NRG3: variants seen among roughly 807,000 people sequenced by gnomAD.
NRG3 encodes the protein pro-neuregulin-3, membrane-bound isoform.
Under a neutral mutation model 66.9 loss-of-function variants are expected in NRG3, and 31 were observed. That is an observed-to-expected ratio of 0.46 (90% CI 0.35 to 0.63). NRG3 has a LOEUF of 0.63. NRG3 is among the 20% of genes least tolerant of loss of function. The pLI is 0.00. For missense variants in NRG3, 910 were observed against 878.9 expected (o/e 1.04, Z -0.45); for synonymous variants, 393 against 359.4 (o/e 1.09, Z -1.06).
intron 1 of NRG3, among the ~76,000 whole-genome samples, chr10:82,114,682 T>C (rs2067593337): frequency 1.3e-5 from 2 of 152,178 alleles, no homozygotes; most frequent in Non-Finnish European, 2.9e-5. Context: ...TATTTGGTCA[T>C]ACTAGAAAAA....
chr10:82,569,717 A>G (rs973232274), intron 2 of NRG3, among the ~76,000 whole-genome samples: 2 of 151,592 alleles, frequency 1.3e-5, no homozygotes, highest in Non-Finnish European at 3.0e-5. Context: ...CTTCTACTCT[A>G]CACTCTTTGC....
At chr10:82,697,406 G>A (rs1373739252) in intron 2 of NRG3, among the ~76,000 whole-genome samples, 1 of 152,122 alleles carries the variant, frequency 6.6e-6, no homozygotes, top group Non-Finnish European at 1.5e-5. Flanking sequence ...GTGATCTCTG[G>A]ATTTTGTCCA....
chr10:82,771,580 C>G (rs977904246), intron 3 of NRG3, among the ~76,000 whole-genome samples: 1 of 152,006 alleles, frequency 6.6e-6, no homozygotes, highest in Non-Finnish European at 1.5e-5. Flanking sequence ...AGCTGGTTGC[C>G]GCAGAGGGAA....
chr10:82,098,203 A>G (rs1005433830), intron 1 of NRG3, among the ~76,000 whole-genome samples: 6 of 151,682 alleles, frequency 4.0e-5, no homozygotes, highest in Non-Finnish European at 8.8e-5. Context: ...ACATTAGCAT[A>G]CTGGCTTTTG....
At chr10:81,997,905 G>A (rs1398029037) in intron 1 of NRG3, among the ~76,000 whole-genome samples, 2 of 146,644 alleles carry the variant, frequency 1.4e-5, no homozygotes, top group African/African-American at 5.1e-5. Context: ...ACAAAATTGA[G>A]TCTTTATTTT....
intron 3 of NRG3, among the ~76,000 whole-genome samples, chr10:82,772,211 G>T (rs1287539709): frequency 2.6e-5 from 4 of 151,964 alleles, no homozygotes; most frequent in African/African-American, 9.7e-5. Context: ...AGGGTAAAAT[G>T]GTTACTCTAG....
intron 1 of NRG3, among the ~76,000 whole-genome samples, chr10:82,310,896 A>C (rs946936780): frequency 6.6e-6 from 1 of 152,210 alleles, no homozygotes; most frequent in African/African-American, 2.4e-5. Flanking sequence ...GACAAGTATG[A>C]GCACTGGAAA....
chr10:82,258,706 C>T (rs979865477), intron 1 of NRG3, among the ~76,000 whole-genome samples: 1 of 152,256 alleles, frequency 6.6e-6, no homozygotes. Flanking sequence ...TATAGGTTGC[C>T]TTATCAAACA....
intron 1 of NRG3, among the ~76,000 whole-genome samples, chr10:82,098,271 CAT>C (rs147930657): frequency 0.039 from 5,802 of 150,484 alleles, 151 homozygotes; most frequent in East Asian, 0.1. Flanking sequence ...ATATAGATGT[CAT>C]ATATATATGT....
intron 1 of NRG3, among the ~76,000 whole-genome samples, chr10:81,980,922 A>G (rs1442291856): frequency 1.3e-5 from 2 of 152,196 alleles, no homozygotes; most frequent in East Asian, 3.9e-4. Context: ...TCATTGGATT[A>G]GGACCCACTC....
rs548405819 is a variant in NRG3, at chr10:82,838,669, T to C, written c.1028-26742T>C. On this transcript the variant is annotated intron_variant, in intron 3 of 8. Coordinates refer to ENST00000372141, the MANE Select transcript of NRG3 (RefSeq NM_001010848.4). ...AGTTTATAAATAAAATATTTATGAATATGACTTCATTAAGACCAGGTGTCA... is the reference window on the plus strand; with the variant it reads ...AGTTTATAAATAAAATATTTATGAACATGACTTCATTAAGACCAGGTGTCA... Among the ~76,000 whole-genome samples, 15 of 115,150 alleles carry C rather than the reference T, an allele frequency of 1.3e-4. No individual in the cohort carries two copies. In the South Asian group the frequency reaches 4.2e-3, roughly 33 times the overall value. 75.5% of individuals were successfully genotyped at this position (115,150 alleles called of 152,430 possible).
chr10:82,102,211 G>A (rs1590119475), intron 1 of NRG3, among the ~76,000 whole-genome samples: 1 of 141,250 alleles, frequency 7.1e-6, no homozygotes, highest in Non-Finnish European at 1.5e-5. Flanking sequence ...TATTCATCAA[G>A]TAATGGTCCT....
chr10:82,538,941 A>C (rs2881883), intron 2 of NRG3, among the ~76,000 whole-genome samples: 4,754 of 152,258 alleles, frequency 0.031, 124 homozygotes, highest in Middle Eastern at 0.075. Flanking sequence ...ACAGCCTCAG[A>C]AGTGCAATTT....
chr10:82,717,905 C>G (rs1306534040), intron 2 of NRG3, among the ~76,000 whole-genome samples: 1 of 151,376 alleles, frequency 6.6e-6, no homozygotes, highest in East Asian at 1.9e-4. Flanking sequence ...TTCCACTCAC[C>G]TGTATGTCAA....
intron 4 of NRG3, among the ~76,000 whole-genome samples, chr10:82,930,366 T>G (rs1044344698): frequency 2.6e-5 from 4 of 152,154 alleles, no homozygotes; most frequent in African/African-American, 9.7e-5. Flanking sequence ...TTAATAGAAT[T>G]TATAAACAGG....
Position 82,907,582 on chromosome 10 carries a change from C to G in NRG3, c.1054+42145C>G, listed in dbSNP as rs138038795. Among the ~76,000 whole-genome samples, 4 of 152,166 alleles carry G rather than the reference C, an allele frequency of 2.6e-5. No homozygotes were observed. The East Asian group carries it at 7.7e-4, about 29-fold the overall frequency. On this transcript the variant is annotated intron_variant, in intron 4 of 8. Coordinates refer to ENST00000372141, the MANE Select transcript of NRG3 (RefSeq NM_001010848.4). ...TATTTAAATGGACTGTTTCTTAAACCAGTCTGTGTTTTAATATAACTTGGG... is the reference window on the plus strand; with the variant it reads ...TATTTAAATGGACTGTTTCTTAAACGAGTCTGTGTTTTAATATAACTTGGG...
At chr10:82,441,078 GTTAATCCT>G (rs1401644887) in intron 2 of NRG3, among the ~76,000 whole-genome samples, 2 of 152,326 alleles carry the variant, frequency 1.3e-5, no homozygotes, top group South Asian at 4.1e-4. Flanking sequence ...CAGATTAGCA[GTTAATCCT>G]TCTTTCTTAG....
chr10:82,842,590 T>C (rs1444193490), intron 3 of NRG3, among the ~76,000 whole-genome samples: 3 of 152,212 alleles, frequency 2.0e-5, no homozygotes, highest in Non-Finnish European at 4.4e-5. Context: ...GCTTTTCTGC[T>C]TTGTTCAATG....
intron 1 of NRG3, among the ~76,000 whole-genome samples, chr10:82,059,569 C>G (rs542849374): frequency 6.6e-6 from 1 of 152,178 alleles, no homozygotes; most frequent in Non-Finnish European, 1.5e-5. Context: ...AACTAGATAT[C>G]TATTGAATAA....
Sources: allele counts gnomAD v4.1 joint callset (sites outside exome capture counted in the v4.1 genomes callset), GRCh38; gene constraint gnomAD v4.1.1; transcripts MANE v1.5; gene names NCBI Gene and HGNC (gene_info 2026-07-23, HGNC 2026-07-21).